Variants in PCSK5 observed in about 807,000 individuals in gnomAD.
PCSK5 encodes the protein prohormone convertase 5.
In PCSK5, 129 loss-of-function variants were observed where a neutral mutation model predicts 233.2. The ratio of observed to expected loss-of-function variants is 0.55; its 90% CI spans 0.48 to 0.64. The LOEUF (loss-of-function observed/expected upper bound fraction) is 0.64. PCSK5 is among the 30% of genes least tolerant of loss of function. PCSK5 has a pLI of 0.00. For synonymous variants in PCSK5, 825 were observed against 879.2 expected, an observed-to-expected ratio of 0.94 and a Z score of 1.09; for missense variants, 2,076 against 2,430.1, an observed-to-expected ratio of 0.85 and a Z score of 3.06.
At chr9:76,182,723 T>A (rs1408451968) in intron 16 of PCSK5, among the ~76,000 whole-genome samples, 2 of 152,168 alleles carry the variant, frequency 1.3e-5, no homozygotes, top group Non-Finnish European at 2.9e-5. Flanking sequence ...TGCAGTTATC[T>A]TTTCCTTTAT....
chr9:76,074,873 A>G (rs1429234120), intron 7 of PCSK5, among the ~76,000 whole-genome samples: 1 of 152,208 alleles, frequency 6.6e-6, no homozygotes, highest in Non-Finnish European at 1.5e-5. Flanking sequence ...CCATTTCCAC[A>G]GTGCCTAGTT....
chr9:76,079,738 G>A (rs567910839), intron 7 of PCSK5, among the ~76,000 whole-genome samples: 4 of 152,298 alleles, frequency 2.6e-5, no homozygotes, highest in African/African-American at 7.2e-5. Flanking sequence ...TCCCTGTCTT[G>A]TTTCGGTTCT....
chr9:76,193,218 T>TTG, intron 20 of PCSK5: 1 of 1,611,348 alleles, frequency 6.2e-7, no homozygotes. Context: ...CCCTTCTCTC[T>TTG]TGCTGACTTC....
chr9:75,986,085 A>G (rs1826501406), intron 2 of PCSK5, 47 bp from the exon 3 acceptor site: 3 of 1,102,654 alleles, frequency 2.7e-6, no homozygotes, highest in Non-Finnish European at 2.8e-6. Context: ...TTATGTTGTA[A>G]TAACCCTGAT....
chr9:75,993,881 TAGG>T (rs2131409430), intron 3 of PCSK5, among the ~76,000 whole-genome samples: 1 of 152,328 alleles, frequency 6.6e-6, no homozygotes, highest in East Asian at 1.9e-4. Flanking sequence ...TGCCCAGTAT[TAGG>T]AGTCTCATAG....
chr9:76,016,798 C>G (rs569452509), intron 3 of PCSK5, among the ~76,000 whole-genome samples: 30 of 152,308 alleles, frequency 2.0e-4, no homozygotes, highest in African/African-American at 7.0e-4. Context: ...AAACACCATC[C>G]ACTTAACTAA....
chr9:76,002,553 C>T (rs1347003659), intron 3 of PCSK5, among the ~76,000 whole-genome samples: 2 of 152,110 alleles, frequency 1.3e-5, no homozygotes, highest in East Asian at 1.9e-4. Flanking sequence ...ACTTTGTTAT[C>T]CTAATATGCT....
intron 20 of PCSK5, chr9:76,194,124 T>A (rs573540198): frequency 1.3e-5 from 2 of 152,332 alleles, no homozygotes; most frequent in African/African-American, 4.8e-5. Flanking sequence ...GATGGACAGA[T>A]GGACAGAATG....
At chr9:76,053,149 G>A (rs546524696) in intron 5 of PCSK5, among the ~76,000 whole-genome samples, 3 of 152,312 alleles carry the variant, frequency 2.0e-5, no homozygotes, top group East Asian at 3.9e-4. Flanking sequence ...AGCTGTCAGT[G>A]TATCTACCAT....
intron 20 of PCSK5, among the ~76,000 whole-genome samples, chr9:76,191,653 G>A (rs1824384055): frequency 6.6e-6 from 1 of 152,194 alleles, no homozygotes; most frequent in Non-Finnish European, 1.5e-5. Context: ...GCCCGACACA[G>A]TCAGTTCCTG....
intron 5 of PCSK5, 149 bp downstream of exon 5, chr9:76,027,186 T>C: frequency 1.8e-6 from 1 of 562,658 alleles, no homozygotes; most frequent in Non-Finnish European, 3.2e-6. Flanking sequence ...CACTGAAGCC[T>C]CTGAGTAAGA....
chr9:76,334,087 A>G (rs1829611384), intron 34 of PCSK5, among the ~76,000 whole-genome samples: 1 of 152,170 alleles, frequency 6.6e-6, no homozygotes, highest in Non-Finnish European at 1.5e-5. Flanking sequence ...GGATAGCGGC[A>G]GGCAAAGAGA....
At chr9:76,098,959 C>A (rs1387565078) in intron 8 of PCSK5, among the ~76,000 whole-genome samples, 2 of 152,126 alleles carry the variant, frequency 1.3e-5, no homozygotes, top group Non-Finnish European at 2.9e-5. Context: ...ATTCTGTGGG[C>A]AGGAAGAGAG....
chr9:76,340,655 A>G (rs13285425), intron 35 of PCSK5, among the ~76,000 whole-genome samples: 1 of 151,210 alleles, frequency 6.6e-6, no homozygotes. Flanking sequence ...AAAAAAAAAA[A>G]AAAACTTCAA....
rs1826909890 is a variant in PCSK5, at chr9:75,994,396, CTTTCTTTTTTTTTTTTTT to C, written c.411+8155_411+8172del. Among the ~76,000 whole-genome samples the C allele has an allele frequency of 5.6e-3, 381 of 68,260 alleles. 1 individual carries two copies. Among genetic ancestry groups the C allele is most frequent in the East Asian group, 7.0e-3 (17 of 2,418 alleles). 44.8% of individuals were successfully genotyped at this position (68,260 alleles called of 152,430 possible). A position where few individuals can be genotyped will look rare whatever the true frequency, so the allele number is the denominator to read the frequency against. ...CCCAGTTTCTTTCTTTTCTTTCTTTCTTTCTTTTTTTTTTTTTTTTTTTTTTTTTTTTTTTTTTTTTTT... is the reference window on the plus strand; with the variant it reads ...CCCAGTTTCTTTCTTTTCTTTCTTTCTTTTTTTTTTTTTTTTTTTTTTTTT... On this transcript the variant is annotated intron_variant, in intron 3 of 37. Transcript: ENST00000674117.
intron 28 of PCSK5, among the ~76,000 whole-genome samples, chr9:76,307,408 C>T (rs1353261407): frequency 6.6e-6 from 1 of 152,142 alleles, no homozygotes; most frequent in Non-Finnish European, 1.5e-5. Flanking sequence ...GCTAGAACTT[C>T]GTTTTCTAAT....
rs775358785 is a variant in PCSK5 at position 75,891,210 on chromosome 9, C to T, written c.29C>T (p.Pro10Leu). The T allele has an allele frequency of 2.6e-5, 39 of 1,493,728 alleles. No individual in the cohort carries two copies. The highest frequency in any genetic ancestry group is 2.7e-5 in the Non-Finnish European group (31 of 1,130,864). The allele number at this position is 1,493,728 out of a possible 1,614,324, so 92.5% of individuals were successfully genotyped here. A position where few individuals can be genotyped will look rare whatever the true frequency, so the allele number is the denominator to read the frequency against. Residue 10 changes from proline to leucine, a missense_variant, in exon 1 of 38, where the codon CCG becomes CTG. Pro to Leu is a moderately conservative substitution (Grantham distance 98, BLOSUM62 -3). Around this residue, in one of 6 missense-constraint regions of PCSK5, gnomAD observed 190 missense variants for 216.3 expected, o/e 0.88. Coordinates refer to ENST00000674117, the MANE Select transcript of PCSK5 (RefSeq NM_001372043.1). MGWGSRCCC[P>L]GRLDLLCVLA... is the part of the protein sequence containing the mutation. ...GGCTGGGGGAGCCGCTGCTGCTGCC[C>T]GGGACGTTTGGACCTGCTGTGCGTG...
intron 28 of PCSK5, among the ~76,000 whole-genome samples, chr9:76,302,933 A>G (rs1424620005): frequency 6.7e-6 from 1 of 149,630 alleles, no homozygotes; most frequent in Non-Finnish European, 1.5e-5. Context: ...AAGAATGGAC[A>G]CTGCACTTTC....
chr9:76,109,084 T>C (rs1832098660), intron 9 of PCSK5, among the ~76,000 whole-genome samples: 1 of 152,140 alleles, frequency 6.6e-6, no homozygotes, highest in South Asian at 2.1e-4. Flanking sequence ...GTGTTAAAAG[T>C]TTGGGTTTAG....
Sources: gnomAD v4.1 joint callset for allele counts (sites outside exome capture counted in the v4.1 genomes callset) on GRCh38, gnomAD v4.1.1 for gene constraint, gnomAD v4.1.1 regional missense constraint, MANE v1.5 for transcripts, NCBI Gene and HGNC (gene_info 2026-07-23, HGNC 2026-07-21) for gene names.